The following FBXL17 variants were observed in gnomAD, a reference collection of about 807,000 sequenced individuals.
FBXL17 encodes the protein F-box and leucine rich repeat protein 17, also known as F-box/LRR-repeat protein 17.
In FBXL17, 22 loss-of-function variants were observed where a neutral mutation model predicts 66.2. The ratio of observed to expected loss-of-function variants is 0.33; its 90% confidence interval spans 0.24 to 0.47. The LOEUF is 0.47. Among genes scored for constraint, FBXL17 ranks in the 20% least tolerant of loss-of-function variants. The probability of loss-of-function intolerance (pLI) is 1.00; values close to 1 mark genes in which losing one functional copy is unlikely to be tolerated. For missense variants in FBXL17, 878 were observed against 948.2 expected, an observed-to-expected ratio of 0.93 and a Z score of 0.97; for synonymous variants, 474 against 400.5, an observed-to-expected ratio of 1.18 and a Z score of -2.19.
chr5:108,264,686 T>G (rs1348285549), intron 4 of FBXL17, among the ~76,000 whole-genome samples: 1 of 152,130 alleles, frequency 6.6e-6, no homozygotes, highest in African/African-American at 2.4e-5. Flanking sequence ...TCTCCAGTTG[T>G]TGAAAAAGAT....
intron 7 of FBXL17, among the ~76,000 whole-genome samples, chr5:108,007,842 C>T (rs1164686054): frequency 6.6e-6 from 1 of 152,070 alleles, no homozygotes; most frequent in Non-Finnish European, 1.5e-5. Context: ...TATGTGAGAG[C>T]GTCATCAGGT....
chr5:108,157,250 A>C (rs557959580), intron 6 of FBXL17, among the ~76,000 whole-genome samples: 1 of 151,690 alleles, frequency 6.6e-6, no homozygotes, highest in South Asian at 2.1e-4. Flanking sequence ...AATTAAATAA[A>C]TAAATGAAAG....
chr5:108,094,572 T>C (rs1396088961), intron 6 of FBXL17, among the ~76,000 whole-genome samples: 1 of 152,138 alleles, frequency 6.6e-6, no homozygotes, highest in Non-Finnish European at 1.5e-5. Context: ...ATGAACAACA[T>C]TTACAACTTC....
chr5:108,298,525 C>A (rs1758442857), intron 4 of FBXL17: 1 of 974,800 alleles, frequency 1.0e-6, no homozygotes, highest in Non-Finnish European at 1.2e-6. Flanking sequence ...CACTAACTTG[C>A]CTAATGATGC....
rs563539106 is a variant in FBXL17, at chr5:107,977,225, A to G, written c.1822+43700T>C. The stretch of plus-strand genomic sequence containing the variant: ...CTGCACATGTTCCAATTTTTTTTAA[A>G]TGAGAAGCAATTGTGGTTATCTCTG... On this transcript the variant is annotated intron_variant, in intron 7 of 8. Coordinates refer to ENST00000542267, the MANE Select transcript of FBXL17 (RefSeq NM_001163315.3). Among the ~76,000 whole-genome samples, 183 of 152,296 alleles carry G rather than the reference A, an allele frequency of 1.2e-3. 1 individual carries two copies. Among genetic ancestry groups the G allele is most frequent in the African/African-American group, 4.1e-3 (170 of 41,552 alleles).
rs565615876 is a variant in FBXL17 at position 107,929,992 on chromosome 5, A to G, written c.1823-48813T>C. Among the ~76,000 whole-genome samples the G allele has an allele frequency of 7.2e-5, 11 of 152,278 alleles. No individual in the cohort carries two copies. The South Asian group carries it at 2.3e-3, about 32-fold the overall frequency. On this transcript the variant is annotated intron_variant, in intron 7 of 8. Coordinates refer to ENST00000542267, the MANE Select transcript of FBXL17 (RefSeq NM_001163315.3). ...AATCTAATGAACCATGAATCCATTC[A>G]CTTTTGTCCATCTCCATGGCCACTG...
At chr5:108,289,998 G>T (rs561967436) in intron 4 of FBXL17, among the ~76,000 whole-genome samples, 115 of 152,282 alleles carry the variant, frequency 7.6e-4, no homozygotes, top group African/African-American at 2.7e-3. Context: ...GATTCATAGG[G>T]AGAGAATCTA....
At chr5:107,934,367 T>A (rs1750829368) in intron 7 of FBXL17, among the ~76,000 whole-genome samples, 1 of 152,298 alleles carries the variant, frequency 6.6e-6, no homozygotes, top group South Asian at 2.1e-4. Flanking sequence ...GATCTTTTTC[T>A]TGGCTTCAAA....
chr5:108,128,963 C>T (rs180888978), intron 6 of FBXL17, among the ~76,000 whole-genome samples: 52 of 152,188 alleles, frequency 3.4e-4, no homozygotes, highest in Middle Eastern at 3.4e-3. Context: ...ATTCACTTCC[C>T]TAACTATTTA....
At chr5:107,888,213 A>G (rs983420184) in intron 7 of FBXL17, among the ~76,000 whole-genome samples, 6 of 152,168 alleles carry the variant, frequency 3.9e-5, no homozygotes, top group African/African-American at 9.7e-5. Context: ...AGCACTTACC[A>G]GAGTTTGTTT....
intron 6 of FBXL17, among the ~76,000 whole-genome samples, chr5:108,021,766 C>A (rs954516152): frequency 6.6e-6 from 1 of 151,628 alleles, no homozygotes; most frequent in African/African-American, 2.4e-5. Flanking sequence ...GCTCAGTTTC[C>A]TATAATATCA....
chr5:108,173,813 A>C (rs1752694822), intron 6 of FBXL17, among the ~76,000 whole-genome samples: 1 of 152,232 alleles, frequency 6.6e-6, no homozygotes, highest in African/African-American at 2.4e-5. Flanking sequence ...ATTGATCCCT[A>C]AAATTGTCAT....
In FBXL17 at chr5:108,369,401, A is replaced by G. The variant is rs188273341; in HGVS notation, c.994-1448T>C. ...TAGGCTGTGCCCAACCACCTTGGGC[A>G]CATGTTCTCAGGATCTCCTGAGGGC... On this transcript the variant is annotated intron_variant, in intron 1 of 8. Coordinates refer to ENST00000542267, the MANE Select transcript of FBXL17 (RefSeq NM_001163315.3). 1.4e-4 allele frequency among the ~76,000 whole-genome samples: 22 copies of G among 152,292 alleles called. No homozygotes were observed. In the East Asian group the frequency reaches 2.5e-3, roughly 17 times the overall value.
chr5:108,185,311 G>A (rs1300614050), intron 6 of FBXL17, among the ~76,000 whole-genome samples: 1 of 152,138 alleles, frequency 6.6e-6, no homozygotes, highest in African/African-American at 2.4e-5. Flanking sequence ...ATTGGATCAT[G>A]GGGGCAGATT....
chr5:108,340,390 TAA>T (rs375109990), intron 4 of FBXL17, among the ~76,000 whole-genome samples: 33 of 129,234 alleles, frequency 2.6e-4, no homozygotes, highest in Admixed American at 3.9e-4. Context: ...GTCTCTACTT[TAA>T]AAAAAAAAAA....
intron 6 of FBXL17, among the ~76,000 whole-genome samples, chr5:108,033,432 G>A (rs1212920314): frequency 6.6e-6 from 1 of 152,084 alleles, no homozygotes; most frequent in Non-Finnish European, 1.5e-5. Context: ...GCATATATAT[G>A]TCTACCTCGA....
At chr5:108,250,149 C>T (rs563384719) in intron 4 of FBXL17, among the ~76,000 whole-genome samples, 3 of 152,180 alleles carry the variant, frequency 2.0e-5, no homozygotes, top group Admixed American at 1.3e-4. Context: ...TCAATTTTTT[C>T]CTTTTAGAAA....
At position 108,294,361 on chromosome 5, in the gene FBXL17, C is replaced by A. The variant is rs192230822; in HGVS notation, c.1506+54038G>T. The stretch of plus-strand genomic sequence containing the variant: ...GCTCTAACCCAAAAAAGGATGAATT[C>A]TTCTTATTTTATTGTCTGAAGTGTA... On this transcript the variant is annotated intron_variant, in intron 4 of 8. Transcript: ENST00000542267. Among the ~76,000 whole-genome samples the A allele has an allele frequency of 2.4e-3, 357 of 150,426 alleles. 2 individuals are homozygous for A. Among genetic ancestry groups the A allele is most frequent in the African/African-American group, 7.7e-3 (315 of 41,142 alleles).
intron 7 of FBXL17, among the ~76,000 whole-genome samples, chr5:107,906,060 C>G (rs1183515924): frequency 7.0e-6 from 1 of 142,164 alleles, no homozygotes; most frequent in East Asian, 2.0e-4. Flanking sequence ...TAGAGTGAAG[C>G]TTTTTTTTTT....
Sources: gnomAD v4.1 joint callset for allele counts (sites outside exome capture counted in the v4.1 genomes callset) on GRCh38, gnomAD v4.1.1 for gene constraint, MANE v1.5 for transcripts, NCBI Gene and HGNC (gene_info 2026-07-23, HGNC 2026-07-21) for gene names.